The following ROCK2 variants were observed in gnomAD, a reference collection of about 807,000 sequenced individuals.
ROCK2 encodes the protein rho-associated protein kinase 2.
Under a neutral mutation model 195.1 loss-of-function variants are expected in ROCK2, and 61 were observed. That is an observed-to-expected ratio of 0.31 (90% confidence interval 0.25 to 0.39). The LOEUF is 0.39. Ranked by LOEUF, ROCK2 falls within the 10% of genes least tolerant of loss-of-function variation. The probability of loss-of-function intolerance (pLI) is 1.00; values close to 1 mark genes in which losing one functional copy is unlikely to be tolerated. For missense variants in ROCK2, 1,109 were observed against 1,637.4 expected, an observed-to-expected ratio of 0.68 and a Z score of 5.57; for synonymous variants, 504 against 545.5, an observed-to-expected ratio of 0.92 and a Z score of 1.06.
intron 9 of ROCK2, among the ~76,000 whole-genome samples, chr2:11,219,913 A>G (rs992817115): frequency 1.3e-5 from 2 of 150,262 alleles, no homozygotes; most frequent in Admixed American, 1.3e-4. Flanking sequence ...CCCAGGCTGG[A>G]ACAGCTCATT....
intron 1 of ROCK2, among the ~76,000 whole-genome samples, chr2:11,332,402 T>C (rs1480070866): frequency 2.0e-5 from 3 of 152,174 alleles, no homozygotes; most frequent in Non-Finnish European, 2.9e-5. Context: ...CCTTCACCAG[T>C]TGATTACCGT....
In ROCK2 at chr2:11,220,306, C is replaced by T. The variant is rs541476338; in HGVS notation, c.1259+892G>A. 3.3e-5 allele frequency among the ~76,000 whole-genome samples: 5 copies of T among 152,224 alleles called. No individual in the cohort carries two copies. The East Asian group carries it at 7.7e-4, about 24-fold the overall frequency. On this transcript the variant is annotated intron_variant, in intron 9 of 32. Coordinates refer to ENST00000315872, the MANE Select transcript of ROCK2 (RefSeq NM_004850.5). The stretch of plus-strand genomic sequence containing the variant: ...TGCTGGGATTACAGGCATGAGCCAC[C>T]GTACCCGGCTTTTTTTTTCTTTTGT...
At chr2:11,184,117 C>T (rs1663105775) in intron 32 of ROCK2, among the ~76,000 whole-genome samples, 1 of 152,206 alleles carries the variant, frequency 6.6e-6, no homozygotes, top group Non-Finnish European at 1.5e-5. Flanking sequence ...CAGCGTATCA[C>T]TGACATTCTT....
At chr2:11,209,830 A>C (rs954837195) in intron 18 of ROCK2, among the ~76,000 whole-genome samples, 1 of 152,238 alleles carries the variant, frequency 6.6e-6, no homozygotes, top group Non-Finnish European at 1.5e-5. Context: ...AATGGTCTTC[A>C]AAAGTGCAGA....
chr2:11,191,469 A>T (rs1351622752), intron 32 of ROCK2, among the ~76,000 whole-genome samples: 2 of 152,172 alleles, frequency 1.3e-5, no homozygotes, highest in African/African-American at 4.8e-5. Context: ...TTAAAATCAC[A>T]CTCAAGTTAC....
chr2:11,345,022 C>T (rs1156615752), upstream of ROCK2, among the ~76,000 whole-genome samples: 2 of 150,704 alleles, frequency 1.3e-5, no homozygotes, highest in East Asian at 2.0e-4. Context: ...GGGGGGGAGC[C>T]CGGCCGCGCC....
intron 3 of ROCK2, among the ~76,000 whole-genome samples, chr2:11,271,896 T>C (rs1389499405): frequency 2.0e-5 from 3 of 151,904 alleles, no homozygotes; most frequent in Non-Finnish European, 2.9e-5. Flanking sequence ...GGCGGGCACC[T>C]GTAGTCCCAG....
intron 5 of ROCK2, among the ~76,000 whole-genome samples, chr2:11,231,181 GT>G: frequency 6.6e-6 from 1 of 151,056 alleles, no homozygotes; most frequent in Non-Finnish European, 1.5e-5. Context: ...TCGTCTTCAG[GT>G]AATTTTTTTT....
intron 3 of ROCK2, among the ~76,000 whole-genome samples, chr2:11,251,701 G>C (rs372223004): frequency 6.6e-6 from 1 of 152,090 alleles, no homozygotes; most frequent in African/African-American, 2.4e-5. Context: ...CACAACAAAA[G>C]AAACTATCAT....
At chr2:11,298,069 T>C (rs1667591352) in intron 1 of ROCK2, among the ~76,000 whole-genome samples, 1 of 152,142 alleles carries the variant, frequency 6.6e-6, no homozygotes. Flanking sequence ...TAAAAATTTA[T>C]CAAGCTGTAT....
chr2:11,267,401 C>T (rs1423034975), intron 3 of ROCK2, among the ~76,000 whole-genome samples: 1 of 151,968 alleles, frequency 6.6e-6, no homozygotes, highest in Non-Finnish European at 1.5e-5. Flanking sequence ...TATATTTTCC[C>T]TATCTTTAGG....
intron 32 of ROCK2, among the ~76,000 whole-genome samples, chr2:11,185,747 A>C (rs930077641): frequency 6.8e-6 from 1 of 146,376 alleles, no homozygotes; most frequent in African/African-American, 2.4e-5. Flanking sequence ...TAATAAATAA[A>C]TAAAAATAAA....
intron 27 of ROCK2, among the ~76,000 whole-genome samples, chr2:11,195,927 A>G (rs746684577): frequency 6.6e-6 from 1 of 152,260 alleles, no homozygotes; most frequent in Non-Finnish European, 1.5e-5. Flanking sequence ...AGGAATGTGT[A>G]TGAATCCTCG....
intron 1 of ROCK2, among the ~76,000 whole-genome samples, chr2:11,301,911 G>A (rs1271155333): frequency 6.6e-6 from 1 of 151,954 alleles, no homozygotes; most frequent in Non-Finnish European, 1.5e-5. Flanking sequence ...ATTCTGAGAC[G>A]GAGTTTCGCT....
chr2:11,254,790 A>C (rs1287420163), intron 3 of ROCK2, among the ~76,000 whole-genome samples: 1 of 145,364 alleles, frequency 6.9e-6, no homozygotes, highest in Non-Finnish European at 1.5e-5. Context: ...TTGGTCGTTC[A>C]GCTGACACAT....
intron 3 of ROCK2, 116 bp downstream of exon 3, chr2:11,286,423 C>T (rs987857879): frequency 1.9e-5 from 13 of 680,234 alleles, no homozygotes; most frequent in Non-Finnish European, 3.1e-5. Context: ...ACCAAGATCA[C>T]AAAGCCACCT....
chr2:11,338,132 C>T (rs1210131167), intron 1 of ROCK2, among the ~76,000 whole-genome samples: 5 of 152,050 alleles, frequency 3.3e-5, no homozygotes, highest in African/African-American at 1.2e-4. Flanking sequence ...TCACTTGAGG[C>T]CAGGAGTTTG....
At chr2:11,246,146 C>T (rs1276487450) in intron 4 of ROCK2, among the ~76,000 whole-genome samples, 1 of 152,124 alleles carries the variant, frequency 6.6e-6, no homozygotes. Flanking sequence ...TTATAGGTGG[C>T]CTATGAACCT....
chr2:11,180,408 G>C lies in ROCK2; in HGVS notation c.*3029C>G, dbSNP rs1019253759. ...TTTTAAAGGCACTAACCTTTACTTT[G>C]GCTTTACTGGTATGCTTATCCATTA... On this transcript the variant is annotated 3_prime_UTR_variant, in exon 33 of 33. Transcript: ENST00000315872. 6.6e-6 allele frequency: 1 copy of C among 152,046 alleles called. No individual in the cohort carries two copies. The allele number at this position is 152,046 out of a possible 1,614,324, so 9.4% of individuals were successfully genotyped here.
Sources: allele counts gnomAD v4.1 joint callset (sites outside exome capture counted in the v4.1 genomes callset), GRCh38; gene constraint gnomAD v4.1.1; transcripts MANE v1.5; gene names NCBI Gene and HGNC (gene_info 2026-07-23, HGNC 2026-07-21).